The following AKT3 variants were observed in gnomAD, a reference collection of about 807,000 sequenced individuals.
AKT3 encodes AKT serine/threonine kinase 3.
A neutral mutation model predicts 65.3 loss-of-function variants in AKT3; 15 were observed. The observed-to-expected ratio is 0.23, with a 90% confidence interval of 0.15 to 0.35. The LOEUF is 0.35. Ranked by LOEUF, AKT3 falls within the 10% of genes least tolerant of loss-of-function variation. The probability of loss-of-function intolerance (pLI) is 1.00; values close to 1 mark genes in which losing one functional copy is unlikely to be tolerated. For missense variants in AKT3, 243 were observed against 576.5 expected, an observed-to-expected ratio of 0.42 and a Z score of 5.92; for synonymous variants, 206 against 183.8, an observed-to-expected ratio of 1.12 and a Z score of -0.98.
chr1:243,781,332 T>C (rs186748906), intron 2 of AKT3, among the ~76,000 whole-genome samples: 5 of 152,312 alleles, frequency 3.3e-5, no homozygotes, highest in Non-Finnish European at 7.4e-5. Flanking sequence ...CCAACTTTTT[T>C]CATTTCATAT....
chr1:243,535,446 T>TC (rs1671860737), intron 12 of AKT3, among the ~76,000 whole-genome samples: 1 of 152,100 alleles, frequency 6.6e-6, no homozygotes, highest in African/African-American at 2.4e-5. Context: ...ATAGCTTAGC[T>TC]CCAACTTCTA....
chr1:243,836,242 A>G (rs139801549), intron 2 of AKT3, among the ~76,000 whole-genome samples: 8 of 152,276 alleles, frequency 5.3e-5, no homozygotes, highest in Admixed American at 1.3e-4. Flanking sequence ...AGGAGTTACT[A>G]TATTAATATC....
chr1:243,706,987 G>A (rs1685843647), intron 2 of AKT3, among the ~76,000 whole-genome samples: 1 of 152,188 alleles, frequency 6.6e-6, no homozygotes, highest in South Asian at 2.1e-4. Flanking sequence ...GAGAGACAGT[G>A]AATGCTGTTT....
chr1:243,749,492 TCAAA>T (rs1372817291), intron 2 of AKT3, among the ~76,000 whole-genome samples: 2 of 152,154 alleles, frequency 1.3e-5, no homozygotes, highest in Non-Finnish European at 2.9e-5. Context: ...GCTCTCTACT[TCAAA>T]CATTCAGAAT....
At chr1:243,743,537 G>T (rs1395764328) in intron 2 of AKT3, among the ~76,000 whole-genome samples, 2 of 152,168 alleles carry the variant, frequency 1.3e-5, no homozygotes, top group Non-Finnish European at 2.9e-5. Context: ...ATCAAATACA[G>T]AGATAGACTG....
Position 243,511,894 on chromosome 1 carries a change from G to A in AKT3, c.1354+430C>T, listed in dbSNP as rs185087631. On this transcript the variant is annotated intron_variant, in intron 13 of 13. Transcript: ENST00000673466. ...TTAAGAGAGAGCTAAGTAAAAAGGA[G>A]TGACTCTACATGAATTTTAAAACTA... is the stretch of plus-strand genomic sequence containing the variant. Among the ~76,000 whole-genome samples the A allele has an allele frequency of 2.6e-5, 4 of 152,330 alleles. No individual in the cohort carries two copies. The East Asian group carries it at 7.7e-4, about 29-fold the overall frequency.
intron 1 of AKT3, among the ~76,000 whole-genome samples, chr1:243,847,636 T>C (rs1695575331): frequency 6.6e-6 from 1 of 152,168 alleles, no homozygotes; most frequent in Non-Finnish European, 1.5e-5. Context: ...GTCTCTATGC[T>C]AAGTCCATTT....
intron 2 of AKT3, among the ~76,000 whole-genome samples, chr1:243,804,357 G>A (rs1481827986): frequency 6.6e-6 from 1 of 152,048 alleles, no homozygotes; most frequent in East Asian, 1.9e-4. Context: ...AATACATTTA[G>A]TGTTCCTAAA....
chr1:243,605,122 T>C (rs1677298583), intron 8 of AKT3, among the ~76,000 whole-genome samples: 1 of 152,128 alleles, frequency 6.6e-6, no homozygotes. Context: ...GTTCCTCGGC[T>C]CAAGTGAACT....
At chr1:243,644,369 G>C (rs1406273328) in intron 5 of AKT3, among the ~76,000 whole-genome samples, 1 of 152,046 alleles carries the variant, frequency 6.6e-6, no homozygotes, top group African/African-American at 2.4e-5. Flanking sequence ...TCACAACCTA[G>C]TGCTAGAAAG....
chr1:243,738,655 C>T (rs1340434731), intron 2 of AKT3, among the ~76,000 whole-genome samples: 2 of 152,028 alleles, frequency 1.3e-5, no homozygotes, highest in South Asian at 2.1e-4. Flanking sequence ...ACTTAGTACT[C>T]GTTGAGGATG....
At chr1:243,563,278 A>T (rs545956217) in intron 10 of AKT3, among the ~76,000 whole-genome samples, 20 of 152,342 alleles carry the variant, frequency 1.3e-4, no homozygotes, top group African/African-American at 4.1e-4. Flanking sequence ...TCCAAAATGT[A>T]GCTACTGTCA....
chr1:243,640,931 G>A (rs1002880607), intron 5 of AKT3, among the ~76,000 whole-genome samples: 2 of 152,120 alleles, frequency 1.3e-5, no homozygotes, highest in African/African-American at 4.8e-5. Flanking sequence ...ATCTGTGAGG[G>A]TGTTGCCAAA....
At chr1:243,512,942 G>A (rs1204599231) in intron 12 of AKT3, among the ~76,000 whole-genome samples, 1 of 152,204 alleles carries the variant, frequency 6.6e-6, no homozygotes, top group African/African-American at 2.4e-5. Flanking sequence ...GATGGGCATT[G>A]ATGCCTGCCC....
chr1:243,692,669 C>T (rs759003768), intron 3 of AKT3, among the ~76,000 whole-genome samples: 1 of 151,800 alleles, frequency 6.6e-6, no homozygotes, highest in Non-Finnish European at 1.5e-5. Flanking sequence ...ACCCGGAAGG[C>T]GGAGGTTGCA....
chr1:243,798,639 C>G (rs1335568852), intron 2 of AKT3, among the ~76,000 whole-genome samples: 1 of 152,026 alleles, frequency 6.6e-6, no homozygotes, highest in Non-Finnish European at 1.5e-5. Context: ...TTCTATAGCT[C>G]ACTCCTAGAC....
chr1:243,804,357 G>C (rs1481827986), intron 2 of AKT3, among the ~76,000 whole-genome samples: 1 of 152,048 alleles, frequency 6.6e-6, no homozygotes, highest in Non-Finnish European at 1.5e-5. Context: ...AATACATTTA[G>C]TGTTCCTAAA....
intron 5 of AKT3, among the ~76,000 whole-genome samples, chr1:243,642,438 T>C (rs1343368456): frequency 6.6e-6 from 1 of 152,242 alleles, no homozygotes; most frequent in South Asian, 2.1e-4. Context: ...GCCTCCCGAG[T>C]AGCTGGGACT....
intron 2 of AKT3, among the ~76,000 whole-genome samples, chr1:243,776,621 C>T (rs572986697): frequency 2.6e-5 from 4 of 152,306 alleles, no homozygotes; most frequent in Non-Finnish European, 5.9e-5. Context: ...GTTATGGCAG[C>T]TTGAACAGAC....
Sources: allele counts gnomAD v4.1 joint callset (sites outside exome capture counted in the v4.1 genomes callset), GRCh38; gene constraint gnomAD v4.1.1; transcripts MANE v1.5; gene names NCBI Gene and HGNC (gene_info 2026-07-23, HGNC 2026-07-21).